LMNB2: variants seen among roughly 807,000 people sequenced by gnomAD.
LMNB2 encodes lamin-B2.
LMNB2 carries 17 observed loss-of-function variants against 69.3 expected under a neutral mutation model. The observed-to-expected ratio is 0.25, with a 90% CI of 0.17 to 0.37. The LOEUF (loss-of-function observed/expected upper bound fraction) is 0.37, where lower values mean the gene tolerates loss of function less well. LMNB2 is among the 10% of genes least tolerant of loss of function. The probability of loss-of-function intolerance (pLI) is 1.00; values close to 1 mark genes in which losing one functional copy is unlikely to be tolerated. For missense variants in LMNB2, 789 were observed against 883.6 expected, an observed-to-expected ratio of 0.89 and a Z score of 1.36; for synonymous variants, 397 against 389.3, an observed-to-expected ratio of 1.02 and a Z score of -0.23.
chr19:2,438,186 A>C lies in LMNB2; in HGVS notation c.661T>G (p.Phe221Val). The C allele has an allele frequency of 6.2e-7, 1 of 1,614,032 alleles. No homozygotes were observed. The highest frequency in any genetic ancestry group is 1.3e-5 in the African/African-American group (1 of 75,072). The part of the protein sequence containing the change: ...RCQSLQEELD[F>V]RKSVFEEEVR... ...ACCTCCTCGAACACACTCTTCCGGA[A>C]GTCCAGCTCCTCCTGCAGGCTCTGG... The change falls in exon 4 of 12, where the codon TTC becomes GTC. Residue 221 changes from phenylalanine (F) to valine (V), a missense_variant. Physicochemically the swap from Phe to Val is conservative, Grantham distance 50 (BLOSUM62 -1). This residue lies in a region of LMNB2 where 609 missense variants were observed against 630.9 expected (regional missense o/e 0.97). Transcript: ENST00000325327.
At chr19:2,450,873 G>A (rs968713454) in intron 1 of LMNB2, among the ~76,000 whole-genome samples, 10 of 151,228 alleles carry the variant, frequency 6.6e-5, no homozygotes, top group South Asian at 4.2e-4. Flanking sequence ...CTCGTGATCC[G>A]CCCACCTCGG....
chr19:2,437,549 C>T (rs1045026312), intron 4 of LMNB2, among the ~76,000 whole-genome samples: 1 of 152,186 alleles, frequency 6.6e-6, no homozygotes, highest in African/African-American at 2.4e-5. Flanking sequence ...GCCTGGAATC[C>T]CAGCAGTTTG....
chr19:2,451,704 T>A (rs1026919477), intron 1 of LMNB2, among the ~76,000 whole-genome samples: 6 of 151,958 alleles, frequency 3.9e-5, no homozygotes, highest in Admixed American at 6.6e-5. Flanking sequence ...AGGGCTCAGA[T>A]AGCCTGAGAT....
At chr19:2,431,420 C>T (rs945225058) in intron 11 of LMNB2, 128 bp downstream of exon 11, 5 of 1,238,340 alleles carry the variant, frequency 4.0e-6, no homozygotes, top group African/African-American at 1.5e-5. Flanking sequence ...GCTGGCTTCA[C>T]CCTGAGCCAC....
At chr19:2,449,329 C>T (rs915037598) in intron 1 of LMNB2, among the ~76,000 whole-genome samples, 4 of 152,212 alleles carry the variant, frequency 2.6e-5, no homozygotes, top group Admixed American at 2.6e-4. Context: ...TGGCTTCCAC[C>T]ATCCGGGAGT....
rs1022283032 is a variant in LMNB2 at position 2,430,642 on chromosome 19, G to A, written c.*269C>T. The stretch of plus-strand genomic sequence containing the variant: ...GCCCAAGCATCTTCTAAACCTCCGG[G>A]TCCTGGCCCTGGGCTTCCAATTTGA... On this transcript the variant is annotated 3_prime_UTR_variant, in exon 12 of 12. Transcript: ENST00000325327. 2 of 551,566 alleles carry A rather than the reference G, an allele frequency of 3.6e-6. No individual in the cohort carries two copies. The highest frequency in any genetic ancestry group is 5.5e-5 in the Admixed American group (2 of 36,394). 34.2% of individuals were successfully genotyped at this position (551,566 alleles called of 1,614,324 possible).
chr19:2,439,154 G>C (rs1044505472), intron 2 of LMNB2, among the ~76,000 whole-genome samples: 2 of 149,486 alleles, frequency 1.3e-5, no homozygotes, highest in African/African-American at 4.9e-5. Context: ...AAAGTGCTGG[G>C]ATTACAGGTG....
chr19:2,456,828 G>T lies in LMNB2; in HGVS notation c.106C>A (p.Leu36Met). 1 of 1,402,082 alleles carries T rather than the reference G, an allele frequency of 7.1e-7. No homozygotes were observed. The highest frequency in any genetic ancestry group is 3.3e-5 in the East Asian group (1 of 30,608). The allele number at this position is 1,402,082 out of a possible 1,614,324, so 86.9% of individuals were successfully genotyped here. A position where few individuals can be genotyped will look rare whatever the true frequency, so the allele number is the denominator to read the frequency against. ...PGRAGGPATP[L>M]SPTRLSRLQE... is the part of the protein sequence containing the mutation. The stretch of plus-strand genomic sequence containing the variant: ...AGCCGCGACAGGCGCGTGGGCGACA[G>T]CGGCGTGGCGGGCCCGCCCGCGCGG... The change falls in exon 1 of 12, where the codon CTG becomes ATG. Residue 36 changes from leucine to methionine, a missense_variant. Coordinates refer to ENST00000325327, the MANE Select transcript of LMNB2 (RefSeq NM_032737.4).
chr19:2,446,810 C>A (rs1392869011), intron 1 of LMNB2, among the ~76,000 whole-genome samples: 1 of 152,062 alleles, frequency 6.6e-6, no homozygotes, highest in East Asian at 1.9e-4. Context: ...GGGTGTGGAC[C>A]CAGAAGACAT....
In LMNB2 at chr19:2,431,009, G is replaced by A. The variant is rs1599329048; in HGVS notation, c.1822-57C>T. 39 of 1,202,618 alleles carry A rather than the reference G, an allele frequency of 3.2e-5. No individual in the cohort carries two copies. In the East Asian group the frequency reaches 6.8e-4, roughly 21 times the overall value. The allele number at this position is 1,202,618 out of a possible 1,614,324, so 74.5% of individuals were successfully genotyped here. ...GATCAGGGCCAGCCTGGAGGCAGCCGGCAGGTAGATGGCTGCCCCCACCTC... is the reference window on the plus strand; with the variant it reads ...GATCAGGGCCAGCCTGGAGGCAGCCAGCAGGTAGATGGCTGCCCCCACCTC... On this transcript the variant is annotated intron_variant, in intron 11 of 11. Coordinates refer to ENST00000325327, the MANE Select transcript of LMNB2 (RefSeq NM_032737.4).
At chr19:2,440,379 G>A (rs912985845) in intron 2 of LMNB2, among the ~76,000 whole-genome samples, 19 of 151,812 alleles carry the variant, frequency 1.3e-4, no homozygotes, top group African/African-American at 4.1e-4. Context: ...TAGTAGAGAC[G>A]GGGTTTCTCC....
Position 2,432,431 on chromosome 19 carries a change from G to A in LMNB2, c.1575C>T (p.Ala525=), listed in dbSNP as rs140216957. Residue 525 remains alanine, a synonymous_variant, in exon 9 of 12, where the codon GCC becomes GCT. Transcript: ENST00000325327. ...CACCACCTACCGTGACCATCTGGCC[G>A]GCGCGCAGGATGTACTTGGGCGTGA... The part of the protein sequence containing the change: ...YKFTPKYILR[A]GQMVTVWAAG... 504 of 1,602,144 alleles carry A rather than the reference G, an allele frequency of 3.1e-4. 4 individuals are homozygous for A. The East Asian group carries it at 0.011, about 34-fold the overall frequency.
chr19:2,437,510 A>G (rs1971842080), intron 4 of LMNB2, among the ~76,000 whole-genome samples: 1 of 152,134 alleles, frequency 6.6e-6, no homozygotes, highest in Admixed American at 6.5e-5. Flanking sequence ...CACTGAAGAG[A>G]TATGTTTTGG....
intron 9 of LMNB2, 62 bp downstream of exon 9, chr19:2,432,354 T>G: frequency 1.9e-6 from 2 of 1,026,418 alleles, no homozygotes; most frequent in Non-Finnish European, 2.9e-6. Context: ...GTGCCTCCAG[T>G]CCCCTGACCC....
At chr19:2,433,784 T>C in intron 8 of LMNB2, 42 bp downstream of exon 8, 1 of 1,605,682 alleles carries the variant, frequency 6.2e-7, no homozygotes, top group Non-Finnish European at 8.5e-7. Flanking sequence ...CCCCATCAGC[T>C]GGGTCACCCC....
intron 2 of LMNB2, among the ~76,000 whole-genome samples, chr19:2,440,528 C>G (rs1295681050): frequency 6.6e-6 from 1 of 152,162 alleles, no homozygotes; most frequent in Non-Finnish European, 1.5e-5. Context: ...CTATCTATTA[C>G]TGTCTATCCA....
rs532031373 is a variant in LMNB2 at position 2,443,291 on chromosome 19, G to A, written c.401+1113C>T. On this transcript the variant is annotated intron_variant, in intron 2 of 11. Coordinates refer to ENST00000325327, the MANE Select transcript of LMNB2 (RefSeq NM_032737.4). This position sits in a 1 kb window ranked among gnomAD's most constrained non-coding sequence, Gnocchi z 6.2. ...CTGACCTGGAGGGTCTCCTGTTGGG[G>A]AAGGGAAGTCAGCTCTCCACGGGAG... 3.0e-4 allele frequency among the ~76,000 whole-genome samples: 46 copies of A among 152,382 alleles called. 1 individual carries two copies. The South Asian group carries it at 9.5e-3, about 32-fold the overall frequency.
intron 11 of LMNB2, 30 bp downstream of exon 11, chr19:2,431,518 C>G: frequency 1.2e-6 from 2 of 1,613,854 alleles, no homozygotes; most frequent in Non-Finnish European, 1.7e-6. Context: ...GAGGCTGCCC[C>G]CCAGCCGCAA....
In LMNB2 at chr19:2,431,572, G is replaced by A. The variant is rs759889339; in HGVS notation, c.1797C>T (p.Gly599=). ...GEEEEEEAEF[G]EEDLFHQQGD... is the part of the protein sequence containing the mutation. The stretch of plus-strand genomic sequence containing the variant: ...CCTGTTGGTGGAAAAGATCCTCCTC[G>A]CCAAACTCGGCTTCCTCCTCCTCTT... The change falls in exon 11 of 12, where the codon GGC becomes GGT. Residue 599 remains glycine (G), a synonymous_variant. Coordinates refer to ENST00000325327, the MANE Select transcript of LMNB2 (RefSeq NM_032737.4). The A allele has an allele frequency of 1.7e-5, 28 of 1,613,908 alleles. No homozygotes were observed. Among genetic ancestry groups the A allele is most frequent in the South Asian group, 5.5e-5 (5 of 91,086 alleles).
Sources: allele counts gnomAD v4.1 joint callset (sites outside exome capture counted in the v4.1 genomes callset), GRCh38; gene constraint gnomAD v4.1.1; regional missense constraint gnomAD v4.1.1; non-coding constraint Gnocchi (gnomAD v3.1); transcripts MANE v1.5; gene names NCBI Gene and HGNC (gene_info 2026-07-23, HGNC 2026-07-21).